The following CDH12 variants were observed in gnomAD, a reference collection of about 807,000 sequenced individuals.
CDH12 encodes the protein cadherin 12.
A neutral mutation model predicts 74.1 loss-of-function variants in CDH12; 41 were observed. That is an observed-to-expected ratio of 0.55 (90% CI 0.43 to 0.72). CDH12 has a LOEUF of 0.72. CDH12 is among the 30% of genes least tolerant of loss of function. The pLI, the probability that CDH12 is intolerant of heterozygous loss-of-function variation, is 0.00. For synonymous variants in CDH12, 399 were observed against 355.0 expected (o/e 1.12, Z -1.39); for missense variants, 945 against 977.2 (o/e 0.97, Z 0.44).
chr5:22,701,109 C>T (rs1223761860), intron 1 of CDH12, among the ~76,000 whole-genome samples: 3 of 152,052 alleles, frequency 2.0e-5, no homozygotes, highest in African/African-American at 2.4e-5. Flanking sequence ...TATCCGTATG[C>T]CCCAAACTTG....
chr5:21,975,995 AG>A, intron 5 of CDH12, among the ~76,000 whole-genome samples: 1 of 152,252 alleles, frequency 6.6e-6, no homozygotes, highest in East Asian at 1.9e-4. Flanking sequence ...GATAGTGCAA[AG>A]GAACTCAGAA....
intron 1 of CDH12, among the ~76,000 whole-genome samples, chr5:22,766,698 T>C (rs575010227): frequency 5.9e-5 from 9 of 152,074 alleles, no homozygotes; most frequent in Non-Finnish European, 1.3e-4. Context: ...GGAAAAAAGA[T>C]TGCATTTGTA....
chr5:22,169,539 C>T (rs1485220175), intron 4 of CDH12, among the ~76,000 whole-genome samples: 1 of 151,892 alleles, frequency 6.6e-6, no homozygotes, highest in Non-Finnish European at 1.5e-5. Flanking sequence ...ACAGTAAAGT[C>T]TCATTCTGAG....
At chr5:22,541,228 C>G (rs1738085041) in intron 1 of CDH12, among the ~76,000 whole-genome samples, 1 of 152,174 alleles carries the variant, frequency 6.6e-6, no homozygotes, top group Admixed American at 6.5e-5. Context: ...CTTCCCCTGT[C>G]AAAGCTCCAT....
intron 4 of CDH12, among the ~76,000 whole-genome samples, chr5:22,180,260 T>A (rs1749561582): frequency 6.6e-6 from 1 of 152,154 alleles, no homozygotes; most frequent in Non-Finnish European, 1.5e-5. Flanking sequence ...TCCTTTTAAA[T>A]TTCAGCTCTG....
At chr5:22,019,818 T>A (rs1175111328) in intron 5 of CDH12, among the ~76,000 whole-genome samples, 4 of 152,212 alleles carry the variant, frequency 2.6e-5, no homozygotes. Context: ...TAATTAATGA[T>A]GCCTTGAGCT....
intron 2 of CDH12, among the ~76,000 whole-genome samples, chr5:22,460,579 T>C (rs1279609059): frequency 6.6e-6 from 1 of 152,196 alleles, no homozygotes; most frequent in Non-Finnish European, 1.5e-5. Flanking sequence ...TTTTCACTTA[T>C]AGCAGAGATG....
intron 2 of CDH12, among the ~76,000 whole-genome samples, chr5:22,491,851 G>A (rs1746885914): frequency 2.6e-5 from 4 of 151,972 alleles, no homozygotes; most frequent in Non-Finnish European, 2.9e-5. Context: ...CTGAGCAAAG[G>A]GCTGTTCGAC....
intron 3 of CDH12, among the ~76,000 whole-genome samples, chr5:22,353,273 C>T (rs149684595): frequency 6.6e-6 from 1 of 152,112 alleles, no homozygotes; most frequent in Non-Finnish European, 1.5e-5. Flanking sequence ...TTAACCTATT[C>T]ATGGACACAA....
At position 22,266,114 on chromosome 5, in the gene CDH12, C is replaced by T. The variant is rs1042646533; in HGVS notation, c.-332-53471G>A. ...TTCTGAAGCAGAGTTTCGCTCTTGT[C>T]GCTTAAGCTGGAATGCAATGGCACA... On this transcript the variant is annotated intron_variant, in intron 3 of 14. Coordinates refer to ENST00000382254, the MANE Select transcript of CDH12 (RefSeq NM_004061.5). Among the ~76,000 whole-genome samples, 8 of 150,810 alleles carry T rather than the reference C, an allele frequency of 5.3e-5. 1 individual carries two copies. Among genetic ancestry groups the T allele is most frequent in the African/African-American group, 1.2e-4 (5 of 41,042 alleles).
At chr5:22,626,161 C>T (rs994234648) in intron 1 of CDH12, among the ~76,000 whole-genome samples, 1 of 152,188 alleles carries the variant, frequency 6.6e-6, no homozygotes, top group Non-Finnish European at 1.5e-5. Flanking sequence ...TGTGGGCACT[C>T]TGCCTCACCA....
chr5:22,134,493 G>A (rs932941995), intron 4 of CDH12, among the ~76,000 whole-genome samples: 4 of 151,544 alleles, frequency 2.6e-5, no homozygotes, highest in South Asian at 2.1e-4. Flanking sequence ...TGGAAAGTGC[G>A]TGGGTGGTGA....
intron 1 of CDH12, among the ~76,000 whole-genome samples, chr5:22,797,181 T>C (rs1006663814): frequency 2.2e-4 from 22 of 98,642 alleles, no homozygotes; most frequent in Non-Finnish European, 4.4e-4. Flanking sequence ...TCAGTGCCTT[T>C]ATAAAAAAAA....
At chr5:22,224,704 G>C (rs1328924108) in intron 3 of CDH12, among the ~76,000 whole-genome samples, 1 of 152,004 alleles carries the variant, frequency 6.6e-6, no homozygotes, top group African/African-American at 2.4e-5. Context: ...GTACTGACTT[G>C]AGTCAGTTGT....
chr5:21,764,975 T>C lies in CDH12; in HGVS notation c.1515+3A>G. On this transcript the variant is annotated splice_donor_region_variant and intron_variant, in intron 12 of 14. Transcript: ENST00000382254. ...CACTCAAGGAACAATATTTATAAGATACCTGTCCTGGCTTGGCATTTTCAC... is the reference window on the plus strand; with the variant it reads ...CACTCAAGGAACAATATTTATAAGACACCTGTCCTGGCTTGGCATTTTCAC... 6.2e-7 allele frequency: 1 copy of C among 1,613,722 alleles called. No individual in the cohort carries two copies. Among genetic ancestry groups the C allele is most frequent in the Non-Finnish European group, 8.5e-7 (1 of 1,179,734 alleles).
At chr5:22,514,300 C>T (rs1409119159) in intron 1 of CDH12, among the ~76,000 whole-genome samples, 4 of 151,336 alleles carry the variant, frequency 2.6e-5, no homozygotes, top group Non-Finnish European at 5.9e-5. Flanking sequence ...GAAAAAAATA[C>T]ACAGAAACAC....
At chr5:22,493,889 G>T (rs934383008) in intron 2 of CDH12, among the ~76,000 whole-genome samples, 10 of 152,100 alleles carry the variant, frequency 6.6e-5, no homozygotes, top group Admixed American at 2.0e-4. Context: ...CAATGTGATG[G>T]GATGGTCAAA....
At chr5:22,153,152 G>A (rs776960036) in intron 4 of CDH12, among the ~76,000 whole-genome samples, 21 of 150,260 alleles carry the variant, frequency 1.4e-4, no homozygotes, top group African/African-American at 4.6e-4. Context: ...TGGGTCATAC[G>A]ATAGTTCTTT....
At chr5:22,454,473 C>T (rs1443226016) in intron 2 of CDH12, among the ~76,000 whole-genome samples, 4 of 145,108 alleles carry the variant, frequency 2.8e-5, no homozygotes, top group African/African-American at 9.7e-5. Context: ...GCTTAAATAA[C>T]AGATTTTTCT....
Sources: gnomAD v4.1 joint callset for allele counts (sites outside exome capture counted in the v4.1 genomes callset) on GRCh38, gnomAD v4.1.1 for gene constraint, MANE v1.5 for transcripts, NCBI Gene and HGNC (gene_info 2026-07-23, HGNC 2026-07-21) for gene names.